FHL5: variants seen among roughly 807,000 people sequenced by gnomAD.
FHL5 encodes the protein four and a half LIM domains protein 5.
A neutral mutation model predicts 32.0 loss-of-function variants in FHL5; 33 were observed. The observed-to-expected ratio is 1.03, with a 90% CI of 0.78 to 1.38. The LOEUF (loss-of-function observed/expected upper bound fraction) is 1.38, where lower values mean the gene tolerates loss of function less well. Among genes scored for constraint, FHL5 ranks in the 40% most tolerant of loss-of-function variants. The pLI is 0.00. For missense variants in FHL5, 336 were observed against 343.9 expected (o/e 0.98, Z 0.18); for synonymous variants, 114 against 113.6 (o/e 1.00, Z -0.02).
At chr6:96,582,548 T>C (rs1371906184) in intron 1 of FHL5, among the ~76,000 whole-genome samples, 2 of 152,120 alleles carry the variant, frequency 1.3e-5, no homozygotes, top group Non-Finnish European at 2.9e-5. Flanking sequence ...TTTTTTTTTC[T>C]TCGTTAGTGT....
chr6:96,608,468 C>CA (rs1771331071), intron 4 of FHL5, among the ~76,000 whole-genome samples: 2 of 151,960 alleles, frequency 1.3e-5, no homozygotes, highest in African/African-American at 4.8e-5. Flanking sequence ...TTTTTCAACC[C>CA]AAACCAAAGA....
At chr6:96,571,105 G>C (rs1770467118) in intron 1 of FHL5, among the ~76,000 whole-genome samples, 1 of 152,000 alleles carries the variant, frequency 6.6e-6, no homozygotes, top group Admixed American at 6.6e-5. Context: ...TGTGTATCTA[G>C]TGAAATAATC....
At chr6:96,602,422 G>GTTCCTTTTTTTTTT (rs1562062425) in intron 1 of FHL5, among the ~76,000 whole-genome samples, 8 of 26,606 alleles carry the variant, frequency 3.0e-4, no homozygotes, top group African/African-American at 7.9e-4. Flanking sequence ...TATATGCGTT[G>GTTCCTTTTTTTTTT]TTTCTTTTTT....
intron 5 of FHL5, among the ~76,000 whole-genome samples, chr6:96,613,015 T>A (rs571630271): frequency 1.3e-5 from 2 of 152,280 alleles, no homozygotes; most frequent in South Asian, 4.1e-4. Context: ...ACAGGGGAAA[T>A]AATTTCAAGA....
chr6:96,611,444 G>T (rs943178975), intron 5 of FHL5, among the ~76,000 whole-genome samples: 1 of 152,032 alleles, frequency 6.6e-6, no homozygotes, highest in Non-Finnish European at 1.5e-5. Flanking sequence ...AAGGTAAAAA[G>T]AAATACATCT....
intron 1 of FHL5, among the ~76,000 whole-genome samples, chr6:96,578,661 T>A (rs1770635387): frequency 6.6e-6 from 1 of 151,878 alleles, no homozygotes; most frequent in African/African-American, 2.4e-5. Context: ...GGCCAACGTG[T>A]CGAAACCCCA....
At chr6:96,612,583 G>A (rs953419328) in intron 5 of FHL5, among the ~76,000 whole-genome samples, 2 of 151,948 alleles carry the variant, frequency 1.3e-5, no homozygotes, top group African/African-American at 2.4e-5. Context: ...TTTTAAAGTT[G>A]AGATGGAAAA....
intron 1 of FHL5, among the ~76,000 whole-genome samples, chr6:96,591,700 T>G (rs1770921417): frequency 6.6e-6 from 1 of 152,148 alleles, no homozygotes; most frequent in Non-Finnish European, 1.5e-5. Context: ...TAATATTTTA[T>G]TATCAGGGGA....
chr6:96,608,944 A>T (rs1312069439), intron 4 of FHL5, among the ~76,000 whole-genome samples: 1 of 152,220 alleles, frequency 6.6e-6, no homozygotes, highest in African/African-American at 2.4e-5. Context: ...TCTTTTAAGC[A>T]TTGCCTGCTA....
intron 4 of FHL5, among the ~76,000 whole-genome samples, chr6:96,606,562 G>A (rs183548590): frequency 1.1e-3 from 172 of 152,184 alleles, no homozygotes; most frequent in Admixed American, 2.7e-3. Context: ...ATGTTGGCTA[G>A]TCTGGTCTCG....
At chr6:96,602,669 ATC>A (rs1771180111) in intron 1 of FHL5, among the ~76,000 whole-genome samples, 1 of 152,010 alleles carries the variant, frequency 6.6e-6, no homozygotes, top group South Asian at 2.1e-4. Context: ...TATGTTTCAT[ATC>A]AGCTTTTTTA....
At chr6:96,567,726 C>T (rs971877361) in intron 1 of FHL5, among the ~76,000 whole-genome samples, 1 of 148,984 alleles carries the variant, frequency 6.7e-6, no homozygotes, top group African/African-American at 2.5e-5. Flanking sequence ...TATATTCCTA[C>T]ATGGCTTTTT....
In FHL5 at chr6:96,597,605, C is replaced by G. The variant is rs188560263; in HGVS notation, c.-12-5997C>G. 4.5e-4 allele frequency among the ~76,000 whole-genome samples: 68 copies of G among 152,232 alleles called. No homozygotes were observed. The East Asian group carries it at 6.7e-3, about 15-fold the overall frequency. ...TTCAAATCTAGCATGAAACTTAAGC[C>G]ATTGATGACCTTGCCCTAGTCTTCC... On this transcript the variant is annotated intron_variant, in intron 1 of 5. Transcript: ENST00000450218.
chr6:96,603,823 T>A, intron 2 of FHL5, 51 bp downstream of exon 2: 5 of 1,407,372 alleles, frequency 3.6e-6, no homozygotes, highest in Non-Finnish European at 4.9e-6. Flanking sequence ...AGCAAACAAG[T>A]GGGTTGGAGT....
chr6:96,577,778 T>C (rs1260566044), intron 1 of FHL5, among the ~76,000 whole-genome samples: 1 of 152,146 alleles, frequency 6.6e-6, no homozygotes, highest in East Asian at 1.9e-4. Flanking sequence ...CATCTTTTTC[T>C]ATGTTTTGAA....
rs2127977345 is a variant in FHL5, at chr6:96,616,926, G to A, written c.*1154G>A. On this transcript the variant is annotated 3_prime_UTR_variant, in exon 6 of 6. Transcript: ENST00000450218. The stretch of plus-strand genomic sequence containing the variant: ...CCCTCCCCACTCTTCCCCCACACCT[G>A]TGCCACACCCCCCTTACCCCAAGCC... 8.8e-6 allele frequency among the ~76,000 whole-genome samples: 1 copy of A among 113,666 alleles called. No individual in the cohort carries two copies. Among genetic ancestry groups the A allele is most frequent in the South Asian group, 2.7e-4 (1 of 3,668 alleles). 74.6% of individuals were successfully genotyped at this position (113,666 alleles called of 152,430 possible). A position where few individuals can be genotyped will look rare whatever the true frequency, so the allele number is the denominator to read the frequency against.
chr6:96,601,350 C>CA (rs986067575), intron 1 of FHL5, among the ~76,000 whole-genome samples: 2 of 151,942 alleles, frequency 1.3e-5, no homozygotes, highest in Admixed American at 6.6e-5. Flanking sequence ...CAAAACAAAA[C>CA]AAAAAATTAA....
intron 1 of FHL5, among the ~76,000 whole-genome samples, chr6:96,575,887 G>A (rs1209025523): frequency 2.6e-5 from 4 of 152,066 alleles, no homozygotes; most frequent in Admixed American, 6.6e-5. Context: ...GAAAACAGTG[G>A]GCCAAATAAA....
At chr6:96,572,297 T>A (rs1770495418) in intron 1 of FHL5, among the ~76,000 whole-genome samples, 1 of 152,104 alleles carries the variant, frequency 6.6e-6, no homozygotes, top group Non-Finnish European at 1.5e-5. Flanking sequence ...AGGGCACCAC[T>A]TCAACTTAGA....
Sources: gnomAD v4.1 joint callset for allele counts (sites outside exome capture counted in the v4.1 genomes callset) on GRCh38, gnomAD v4.1.1 for gene constraint, MANE v1.5 for transcripts, NCBI Gene and HGNC (gene_info 2026-07-23, HGNC 2026-07-21) for gene names.